The following EXOC4 variants were observed in gnomAD, a reference collection of about 807,000 sequenced individuals.
EXOC4 encodes the protein SEC8-like 1.
In EXOC4, 71 loss-of-function variants were observed where a neutral mutation model predicts 107.2. That is an observed-to-expected ratio of 0.66 (90% CI 0.55 to 0.81). The LOEUF (loss-of-function observed/expected upper bound fraction) is 0.81. EXOC4 is among the 30% of genes least tolerant of loss of function. EXOC4 has a pLI of 0.00. For synonymous variants in EXOC4, 456 were observed against 441.2 expected, an observed-to-expected ratio of 1.03 and a Z score of -0.42; for missense variants, 1,108 against 1,189.6, an observed-to-expected ratio of 0.93 and a Z score of 1.01.
intron 11 of EXOC4, among the ~76,000 whole-genome samples, chr7:133,851,336 A>G (rs1267267217): frequency 6.6e-6 from 1 of 152,148 alleles, no homozygotes; most frequent in Non-Finnish European, 1.5e-5. Flanking sequence ...ATTTGCAGAG[A>G]GGTGGTATGT....
chr7:133,366,285 A>G (rs984746755), intron 6 of EXOC4, among the ~76,000 whole-genome samples: 1 of 152,024 alleles, frequency 6.6e-6, no homozygotes, highest in African/African-American at 2.4e-5. Flanking sequence ...GCCTTTTTTC[A>G]TGGTAGCACT....
chr7:133,647,446 T>G (rs1803021373), intron 10 of EXOC4, among the ~76,000 whole-genome samples: 1 of 152,114 alleles, frequency 6.6e-6, no homozygotes, highest in South Asian at 2.1e-4. Flanking sequence ...CAACTCTGTG[T>G]GGTAGGAAAT....
intron 1 of EXOC4, among the ~76,000 whole-genome samples, chr7:133,260,556 G>A (rs1433532650): frequency 6.6e-6 from 1 of 152,206 alleles, no homozygotes; most frequent in Non-Finnish European, 1.5e-5. Context: ...TTACAGGTGT[G>A]AGGCACCGCG....
At chr7:133,964,482 C>T (rs770838895) in intron 14 of EXOC4, among the ~76,000 whole-genome samples, 3 of 152,116 alleles carry the variant, frequency 2.0e-5, no homozygotes, top group Non-Finnish European at 2.9e-5. Flanking sequence ...TCCCCTAGCC[C>T]CCGACCTCCC....
chr7:133,795,095 T>C (rs1563000881), intron 10 of EXOC4, among the ~76,000 whole-genome samples: 1 of 152,108 alleles, frequency 6.6e-6, no homozygotes. Context: ...AAATCAAGTA[T>C]TACGCAGCCA....
intron 2 of EXOC4, among the ~76,000 whole-genome samples, chr7:133,287,657 CT>C (rs529872226): frequency 4.6e-5 from 7 of 151,980 alleles, no homozygotes; most frequent in Non-Finnish European, 7.4e-5. Flanking sequence ...TTATTAAAGA[CT>C]TTTTTTTAAC....
At chr7:133,448,886 C>G (rs187479233) in intron 7 of EXOC4, among the ~76,000 whole-genome samples, 9 of 152,208 alleles carry the variant, frequency 5.9e-5, no homozygotes, top group African/African-American at 2.2e-4. Flanking sequence ...GGGTGGATCA[C>G]TTGAGGTCAA....
chr7:133,353,490 A>G (rs1257573707), intron 5 of EXOC4, among the ~76,000 whole-genome samples: 2 of 152,096 alleles, frequency 1.3e-5, no homozygotes, highest in South Asian at 2.1e-4. Context: ...GGCCTCGGAA[A>G]TTTCTGATGA....
intron 11 of EXOC4, 143 bp from the exon 12 acceptor site, chr7:133,895,454 CCT>C (rs1799284329): frequency 7.4e-6 from 6 of 808,352 alleles, no homozygotes; most frequent in African/African-American, 1.7e-5. Context: ...GGCTCCTCCC[CCT>C]GTTTTGAGTT....
intron 17 of EXOC4, among the ~76,000 whole-genome samples, chr7:134,053,767 T>C (rs73724411): frequency 0.16 from 23,743 of 151,596 alleles, 2,034 homozygotes; most frequent in Middle Eastern, 0.25. Flanking sequence ...CAGAATCTCC[T>C]TTAATCTTCT....
At chr7:133,391,159 G>T (rs1796843728) in intron 7 of EXOC4, among the ~76,000 whole-genome samples, 1 of 152,192 alleles carries the variant, frequency 6.6e-6, no homozygotes, top group African/African-American at 2.4e-5. Context: ...CCTGAAAGTT[G>T]TGAAGGGTTT....
chr7:133,569,910 G>T (rs1299845681), intron 9 of EXOC4, among the ~76,000 whole-genome samples: 2 of 152,146 alleles, frequency 1.3e-5, no homozygotes, highest in East Asian at 3.9e-4. Context: ...ATGTTTATGA[G>T]ATCTGGGCTT....
At chr7:133,364,816 T>C (rs1017232386) in intron 6 of EXOC4, among the ~76,000 whole-genome samples, 3 of 152,186 alleles carry the variant, frequency 2.0e-5, no homozygotes, top group African/African-American at 7.2e-5. Flanking sequence ...GCATTATTAT[T>C]AATCCCAGAT....
intron 13 of EXOC4, 34 bp downstream of exon 13, chr7:133,917,772 T>C (rs1316681753): frequency 1.3e-6 from 2 of 1,596,464 alleles, no homozygotes; most frequent in Non-Finnish European, 1.7e-6. Flanking sequence ...GTCCTAAACA[T>C]AGGGAGGAAG....
At position 133,604,706 on chromosome 7, in the gene EXOC4, CTTTCTTT is replaced by C. The variant is rs1161652197; in HGVS notation, c.1418-25335_1418-25329del. On this transcript the variant is annotated intron_variant, in intron 9 of 17. Transcript: ENST00000253861. ...TTTTTCTTTCCTTCCTTCCTTCCTT[CTTTCTTT>C]TTTTTTTTTTTTTTTTTTTTTTTTT... is the stretch of plus-strand genomic sequence containing the variant. Among the ~76,000 whole-genome samples, 70 of 87,552 alleles carry C rather than the reference CTTTCTTT, an allele frequency of 8.0e-4. 1 individual carries two copies. Among genetic ancestry groups the C allele is most frequent in the Admixed American group, 2.8e-3 (21 of 7,450 alleles). The allele number at this position is 87,552 out of a possible 152,430, so 57.4% of individuals were successfully genotyped here.
intron 1 of EXOC4, among the ~76,000 whole-genome samples, chr7:133,271,004 C>T (rs1793856352): frequency 1.3e-5 from 2 of 151,640 alleles, no homozygotes; most frequent in African/African-American, 2.4e-5. Flanking sequence ...CTGCAACCTC[C>T]GCCTCCTGGG....
At chr7:133,984,905 A>T (rs2116929892) in intron 14 of EXOC4, among the ~76,000 whole-genome samples, 1 of 152,334 alleles carries the variant, frequency 6.6e-6, no homozygotes, top group East Asian at 1.9e-4. Flanking sequence ...GCAAGAATAA[A>T]TTATATTCCT....
chr7:133,402,245 G>T (rs1003220137), intron 7 of EXOC4, among the ~76,000 whole-genome samples: 2 of 152,284 alleles, frequency 1.3e-5, no homozygotes, highest in East Asian at 3.9e-4. Flanking sequence ...TTGCCATTAA[G>T]TACCCACGTG....
intron 9 of EXOC4, among the ~76,000 whole-genome samples, chr7:133,603,317 C>G (rs1307171221): frequency 1.3e-5 from 2 of 152,112 alleles, no homozygotes; most frequent in African/African-American, 4.8e-5. Flanking sequence ...TTGTGCTCTA[C>G]AAAAAATAAT....
Sources: gnomAD v4.1 joint callset for allele counts (sites outside exome capture counted in the v4.1 genomes callset) on GRCh38, gnomAD v4.1.1 for gene constraint, MANE v1.5 for transcripts, NCBI Gene and HGNC (gene_info 2026-07-23, HGNC 2026-07-21) for gene names.